The following FHIT variants were observed in gnomAD, a reference collection of about 807,000 sequenced individuals.
FHIT encodes the protein fragile histidine triad diadenosine triphosphatase.
Under a neutral mutation model 17.9 loss-of-function variants are expected in FHIT, and 19 were observed. The observed-to-expected ratio is 1.06, with a 90% confidence interval of 0.74 to 1.56. The LOEUF is 1.56. Ranked by LOEUF, FHIT falls within the 40% of genes most tolerant of loss-of-function variation. The probability of loss-of-function intolerance (pLI) is 0.00; values close to 1 mark genes in which losing one functional copy is unlikely to be tolerated. For synonymous variants in FHIT, 81 were observed against 69.7 expected, an observed-to-expected ratio of 1.16 and a Z score of -0.81; for missense variants, 248 against 189.2, an observed-to-expected ratio of 1.31 and a Z score of -1.82.
chr3:60,160,056 G>A (rs906389678), intron 5 of FHIT, among the ~76,000 whole-genome samples: 1 of 151,990 alleles, frequency 6.6e-6, no homozygotes, highest in Non-Finnish European at 1.5e-5. Flanking sequence ...GAAATCTTTC[G>A]GGGCAAATTT....
At chr3:60,082,247 A>AAAG (rs80266232) in intron 5 of FHIT, among the ~76,000 whole-genome samples, 61,011 of 151,668 alleles carry the variant, frequency 0.4, 12,877 homozygotes, top group African/African-American at 0.52. Flanking sequence ...TTCCTGTGTT[A>AAAG]ATTTGCTTAG....
In FHIT at chr3:61,142,825, T is replaced by G. The variant is rs542354223; in HGVS notation, c.-164+57792A>C. Among the ~76,000 whole-genome samples the G allele has an allele frequency of 2.0e-3, 300 of 152,260 alleles. 1 individual carries two copies. Among genetic ancestry groups the G allele is most frequent in the African/African-American group, 6.8e-3 (284 of 41,554 alleles). On this transcript the variant is annotated intron_variant, in intron 2 of 9. Coordinates refer to ENST00000492590, the MANE Select transcript of FHIT (RefSeq NM_002012.4). The stretch of plus-strand genomic sequence containing the variant: ...CTGTTAGCCTGTAATGAACATATTT[T>G]AGGGGAAAAGCTAGAAGTCTGACAC...
Position 60,652,465 on chromosome 3 carries a change from C to T in FHIT, c.-17-115486G>A, listed in dbSNP as rs545037322. On this transcript the variant is annotated intron_variant, in intron 4 of 9. Coordinates refer to ENST00000492590, the MANE Select transcript of FHIT (RefSeq NM_002012.4). ...AAAATACAAAAAGTAGGGCCAGGCG[C>T]GGTCACGCCTGTAATCCCAGCACTT... is the stretch of plus-strand genomic sequence containing the variant. Among the ~76,000 whole-genome samples the T allele has an allele frequency of 1.3e-4, 20 of 151,842 alleles. No individual in the cohort carries two copies. The South Asian group carries it at 3.1e-3, about 24-fold the overall frequency.
At chr3:60,442,451 A>G (rs975531709) in intron 5 of FHIT, among the ~76,000 whole-genome samples, 1 of 152,146 alleles carries the variant, frequency 6.6e-6, no homozygotes, top group Non-Finnish European at 1.5e-5. Flanking sequence ...ATTTTTGTAT[A>G]AGGTGTAAGG....
intron 5 of FHIT, among the ~76,000 whole-genome samples, chr3:60,218,933 G>A (rs1347469751): frequency 6.6e-6 from 1 of 151,974 alleles, no homozygotes; most frequent in Admixed American, 6.6e-5. Context: ...CTAAACAAAG[G>A]TAAGGGCCAC....
intron 4 of FHIT, among the ~76,000 whole-genome samples, chr3:60,589,349 G>A (rs1174394774): frequency 3.3e-5 from 5 of 151,896 alleles, no homozygotes; most frequent in African/African-American, 1.2e-4. Context: ...GTATTTGTGT[G>A]AACTCCTCCC....
intron 5 of FHIT, among the ~76,000 whole-genome samples, chr3:60,172,133 C>T (rs905787340): frequency 6.6e-6 from 1 of 152,136 alleles, no homozygotes; most frequent in Non-Finnish European, 1.5e-5. Flanking sequence ...AGGCGCATGG[C>T]TCTTCAAATA....
At chr3:60,326,381 G>T (rs563582123) in intron 5 of FHIT, among the ~76,000 whole-genome samples, 1 of 151,980 alleles carries the variant, frequency 6.6e-6, no homozygotes, top group South Asian at 2.1e-4. Flanking sequence ...ATAAGGAGCG[G>T]GCAACCTAGA....
At chr3:59,787,661 G>T (rs747111155) in intron 8 of FHIT, among the ~76,000 whole-genome samples, 16 of 152,130 alleles carry the variant, frequency 1.1e-4, no homozygotes, top group Admixed American at 2.6e-4. Flanking sequence ...CCATGGATTA[G>T]GTACTTACTA....
intron 4 of FHIT, among the ~76,000 whole-genome samples, chr3:60,538,062 TG>T (rs2036050809): frequency 6.6e-6 from 1 of 152,214 alleles, no homozygotes; most frequent in Non-Finnish European, 1.5e-5. Flanking sequence ...AATGATTGAC[TG>T]GTGTCTAGCA....
Position 59,749,320 on chromosome 3 carries a change from G to A in FHIT, c.*265C>T. Reference sequence around the variant, plus strand: ...CACCGAGACACAGGGTTGCAGCAGAGAAGGAAGTTTAATCATAAGGCTGCC... The same window carrying A: ...CACCGAGACACAGGGTTGCAGCAGAAAAGGAAGTTTAATCATAAGGCTGCC... On this transcript the variant is annotated 3_prime_UTR_variant, in exon 10 of 10. Coordinates refer to ENST00000492590, the MANE Select transcript of FHIT (RefSeq NM_002012.4). 4.3e-6 allele frequency: 1 copy of A among 231,482 alleles called. No homozygotes were observed. The highest frequency in any genetic ancestry group is 8.5e-6 in the Non-Finnish European group (1 of 117,036). The allele number at this position is 231,482 out of a possible 1,614,324, so 14.3% of individuals were successfully genotyped here.
chr3:60,854,220 A>T (rs1703272781), intron 3 of FHIT, among the ~76,000 whole-genome samples: 1 of 151,910 alleles, frequency 6.6e-6, no homozygotes, highest in African/African-American at 2.4e-5. Context: ...GCCACATCAG[A>T]CCAATTGTAT....
intron 5 of FHIT, among the ~76,000 whole-genome samples, chr3:60,081,802 G>T (rs1225531617): frequency 6.6e-6 from 1 of 152,064 alleles, no homozygotes; most frequent in Non-Finnish European, 1.5e-5. Context: ...AGGAATAACA[G>T]CCATGCATGC....
chr3:60,642,725 C>T (rs1010447972), intron 4 of FHIT, among the ~76,000 whole-genome samples: 10 of 152,046 alleles, frequency 6.6e-5, no homozygotes, highest in South Asian at 4.2e-4. Context: ...TCCTCTTCCC[C>T]CCACCTCCCC....
At chr3:60,769,393 G>C (rs1699965850) in intron 4 of FHIT, among the ~76,000 whole-genome samples, 1 of 152,154 alleles carries the variant, frequency 6.6e-6, no homozygotes, top group African/African-American at 2.4e-5. Context: ...CACTCATTTT[G>C]CTTTCCTTAC....
At chr3:61,024,385 T>C (rs2032622723) in intron 3 of FHIT, among the ~76,000 whole-genome samples, 1 of 152,078 alleles carries the variant, frequency 6.6e-6, no homozygotes, top group Non-Finnish European at 1.5e-5. Context: ...TTTCTTCCAC[T>C]CAACACTAGA....
intron 5 of FHIT, among the ~76,000 whole-genome samples, chr3:60,252,733 G>A (rs1396237741): frequency 6.6e-6 from 1 of 152,066 alleles, no homozygotes; most frequent in Non-Finnish European, 1.5e-5. Context: ...GCTCATGCCT[G>A]TAATCCCAGC....
At chr3:60,527,928 T>A (rs893026715) in intron 5 of FHIT, among the ~76,000 whole-genome samples, 1 of 152,214 alleles carries the variant, frequency 6.6e-6, no homozygotes, top group Non-Finnish European at 1.5e-5. Context: ...CCACCATTGG[T>A]CTGTGCCTCA....
At chr3:60,291,292 G>T (rs1300547322) in intron 5 of FHIT, among the ~76,000 whole-genome samples, 1 of 152,098 alleles carries the variant, frequency 6.6e-6, no homozygotes, top group African/African-American at 2.4e-5. Flanking sequence ...GTTGGACCAG[G>T]TGTGCCATTT....
Sources: allele counts gnomAD v4.1 joint callset (sites outside exome capture counted in the v4.1 genomes callset), GRCh38; gene constraint gnomAD v4.1.1; transcripts MANE v1.5; gene names NCBI Gene and HGNC (gene_info 2026-07-23, HGNC 2026-07-21).